The following ADSL variants were observed in gnomAD, a reference collection of about 807,000 sequenced individuals.
ADSL encodes adenylosuccinase.
In ADSL, 44 loss-of-function variants were observed where a neutral mutation model predicts 62.1. The observed-to-expected ratio is 0.71, with a 90% CI of 0.56 to 0.91. ADSL has a LOEUF of 0.91. Ranked by LOEUF, ADSL falls within the 40% of genes least tolerant of loss-of-function variation. The pLI is 0.00. For synonymous variants in ADSL, 198 were observed against 220.5 expected, an observed-to-expected ratio of 0.90 and a Z score of 0.90; for missense variants, 531 against 627.4, an observed-to-expected ratio of 0.85 and a Z score of 1.64.
At chr22:40,354,125 G>T in intron 3 of ADSL, 123 bp from the exon 4 acceptor site, 2 of 913,430 alleles carry the variant, frequency 2.2e-6, no homozygotes, top group African/African-American at 1.6e-5. Flanking sequence ...GAAGGATATG[G>T]CTGCTGCCTT....
chr22:40,377,143 G>A (rs2046764061), intron 2 of ADSL, among the ~76,000 whole-genome samples: 1 of 152,168 alleles, frequency 6.6e-6, no homozygotes, highest in Non-Finnish European at 1.5e-5. Flanking sequence ...TCCAATCCAG[G>A]TTCTTCTGGG....
chr22:40,355,788 C>T (rs1417418735), intron 4 of ADSL, among the ~76,000 whole-genome samples: 1 of 152,118 alleles, frequency 6.6e-6, no homozygotes, highest in African/African-American at 2.4e-5. Flanking sequence ...TGTGATGTGC[C>T]TCCTATGGAC....
intron 9 of ADSL, among the ~76,000 whole-genome samples, chr22:40,362,650 AT>A (rs1255937990): frequency 1.3e-5 from 2 of 152,180 alleles, no homozygotes; most frequent in African/African-American, 4.8e-5. Context: ...CGCTACTGCC[AT>A]TTACTGAGGC....
intron 1 of ADSL, among the ~76,000 whole-genome samples, chr22:40,347,653 C>T (rs1439368566): frequency 6.6e-6 from 1 of 152,172 alleles, no homozygotes. Context: ...TTATCACTGC[C>T]CTCCAAAATA....
At chr22:40,373,760 C>T (rs1230926836), downstream of ADSL, among the ~76,000 whole-genome samples, 2 of 151,728 alleles carry the variant, frequency 1.3e-5, no homozygotes, top group South Asian at 2.1e-4. Context: ...AGACTGCAGG[C>T]GTGCACCACC....
intron 1 of ADSL, among the ~76,000 whole-genome samples, chr22:40,349,451 T>TGCAA (rs2044264017): frequency 6.6e-6 from 1 of 150,984 alleles, no homozygotes; most frequent in Admixed American, 6.6e-5. Context: ...CTTGGCTCAC[T>TGCAA]GCAAGCTCTG....
At chr22:40,382,134 G>A (rs993609827) in intron 2 of ADSL, among the ~76,000 whole-genome samples, 1 of 152,122 alleles carries the variant, frequency 6.6e-6, no homozygotes, top group Non-Finnish European at 1.5e-5. Context: ...TGCCTGCCAT[G>A]TGAGGTCAGG....
chr22:40,352,942 G>A (rs2044405199), intron 2 of ADSL, 131 bp from the exon 3 acceptor site: 1 of 723,272 alleles, frequency 1.4e-6, no homozygotes, highest in African/African-American at 1.7e-5. Context: ...TTTCTGGCGT[G>A]CTTAGTGGGT....
Position 40,361,687 on chromosome 22 carries a change from A to G in ADSL, c.1010+52A>G, listed in dbSNP as rs1223903390. 9 of 1,597,852 alleles carry G rather than the reference A, an allele frequency of 5.6e-6. No individual in the cohort carries two copies. The African/African-American group carries it at 1.2e-4, about 21-fold the overall frequency. Reference sequence around the variant, plus strand: ...ACCAAGTTGAGTGGAGGTCTGAAGGAGGGACCTAGAAGTAAAAGGACATAT... The same window carrying G: ...ACCAAGTTGAGTGGAGGTCTGAAGGGGGGACCTAGAAGTAAAAGGACATAT... On this transcript the variant is annotated intron_variant, in intron 9 of 12. Coordinates refer to ENST00000623063, the MANE Select transcript of ADSL (RefSeq NM_000026.4).
intron 4 of ADSL, among the ~76,000 whole-genome samples, chr22:40,354,597 G>A (rs1441945397): frequency 6.6e-6 from 1 of 152,166 alleles, no homozygotes; most frequent in Non-Finnish European, 1.5e-5. Flanking sequence ...TGGGCCGGGT[G>A]TGGTGGCTCA....
At chr22:40,386,900 C>T (rs1429414481) in intron 2 of ADSL, among the ~76,000 whole-genome samples, 4 of 152,026 alleles carry the variant, frequency 2.6e-5, no homozygotes, top group Non-Finnish European at 4.4e-5. Context: ...GAATTCTCTC[C>T]TAATTTATCT....
intron 2 of ADSL, among the ~76,000 whole-genome samples, chr22:40,383,466 CAAA>C (rs534039238): frequency 4.6e-5 from 4 of 87,332 alleles, no homozygotes; most frequent in Admixed American, 1.0e-4. Context: ...GACTCTGTCT[CAAA>C]AAAAAAAAAA....
chr22:40,387,518 T>C (rs1467782185), intron 2 of ADSL: 2 of 266,572 alleles, frequency 7.5e-6, no homozygotes, highest in African/African-American at 2.2e-5. Flanking sequence ...TATAAAACTT[T>C]CAATATAAAT....
Position 40,375,994 on chromosome 22 carries a change from TCACACCA to T in ADSL, c.89+9509_89+9515del, listed in dbSNP as rs540896795. Among the ~76,000 whole-genome samples, 218 of 150,748 alleles carry T rather than the reference TCACACCA, an allele frequency of 1.4e-3. 1 individual carries two copies. Among genetic ancestry groups the T allele is most frequent in the Non-Finnish European group, 2.7e-3 (183 of 67,682 alleles). On this transcript the variant is annotated intron_variant, in intron 2 of 2. Transcript: ENST00000498234. The stretch of plus-strand genomic sequence containing the variant: ...AGATTGAAGCTGTAGTGAGCTGTGA[TCACACCA>T]CACACCACACACTCCAGCCTGGGTG...
Position 40,346,547 on chromosome 22 carries a change from C to G in ADSL, c.-12C>G, listed in dbSNP as rs775388314. 6.2e-7 allele frequency: 1 copy of G among 1,600,664 alleles called. No individual in the cohort carries two copies. The highest frequency in any genetic ancestry group is 8.5e-7 in the Non-Finnish European group (1 of 1,175,788). On this transcript the variant is annotated 5_prime_UTR_variant, in exon 1 of 13. Coordinates refer to ENST00000623063, the MANE Select transcript of ADSL (RefSeq NM_000026.4). ...CTGGTCCAGTCCACCCTGGCGGGGT[C>G]GCAGGGTTGGGATGGCGGCTGGAGG...
At position 40,368,292 on chromosome 22, in the gene ADSL, G is replaced by C. The variant is rs890895633; in HGVS notation, c.*1770G>C. ...CAGGCAGAAGCTGGAAGACTGCCTC[G>C]TTAGGAATGTTGTGAGGGAGAGGAG... On this transcript the variant is annotated 3_prime_UTR_variant, in exon 13 of 13. Coordinates refer to ENST00000623063, the MANE Select transcript of ADSL (RefSeq NM_000026.4). 7.2e-5 allele frequency: 11 copies of C among 152,090 alleles called. No individual in the cohort carries two copies. Among genetic ancestry groups the C allele is most frequent in the African/African-American group, 2.4e-4 (10 of 41,394 alleles). The allele number at this position is 152,090 out of a possible 1,614,324, so 9.4% of individuals were successfully genotyped here. A position where few individuals can be genotyped will look rare whatever the true frequency, so the allele number is the denominator to read the frequency against.
At chr22:40,386,361 A>G (rs1460452536) in intron 2 of ADSL, among the ~76,000 whole-genome samples, 1 of 152,126 alleles carries the variant, frequency 6.6e-6, no homozygotes, top group Non-Finnish European at 1.5e-5. Flanking sequence ...AAGGTTCACA[A>G]CAGTAAGAGG....
At chr22:40,358,569 G>A (rs577215134) in intron 4 of ADSL, among the ~76,000 whole-genome samples, 61 of 152,240 alleles carry the variant, frequency 4.0e-4, no homozygotes, top group African/African-American at 1.4e-3. Flanking sequence ...GGGCAACAGA[G>A]CAAGACCCAG....
chr22:40,385,054 G>GA (rs1299161762), intron 2 of ADSL, among the ~76,000 whole-genome samples: 1 of 152,128 alleles, frequency 6.6e-6, no homozygotes, highest in African/African-American at 2.4e-5. Flanking sequence ...AAATAGAGAA[G>GA]AAAAAACAAT....
Sources: gnomAD v4.1 joint callset for allele counts (sites outside exome capture counted in the v4.1 genomes callset) on GRCh38, gnomAD v4.1.1 for gene constraint, MANE v1.5 for transcripts, NCBI Gene and HGNC (gene_info 2026-07-23, HGNC 2026-07-21) for gene names.